Variants in WDPCP observed in about 807,000 individuals in gnomAD.
WDPCP encodes the protein WD repeat-containing and planar cell polarity effector protein fritz homolog.
A neutral mutation model predicts 93.1 loss-of-function variants in WDPCP; 71 were observed. That is an observed-to-expected ratio of 0.76 (90% confidence interval 0.63 to 0.93). The LOEUF (loss-of-function observed/expected upper bound fraction) is 0.93. Ranked by LOEUF, WDPCP falls within the 40% of genes least tolerant of loss-of-function variation. WDPCP has a pLI of 0.00. For synonymous variants in WDPCP, 315 were observed against 315.0 expected, an observed-to-expected ratio of 1.00 and a Z score of 0.00; for missense variants, 844 against 887.4, an observed-to-expected ratio of 0.95 and a Z score of 0.62.
intron 13 of WDPCP, among the ~76,000 whole-genome samples, chr2:63,289,148 G>C (rs989259310): frequency 6.6e-6 from 1 of 151,946 alleles, no homozygotes. Flanking sequence ...AAAATATTTT[G>C]AGGCTATGTA....
chr2:63,240,679 T>C (rs935400468), intron 14 of WDPCP, among the ~76,000 whole-genome samples: 3 of 152,226 alleles, frequency 2.0e-5, no homozygotes, highest in African/African-American at 7.2e-5. Context: ...AATTCTTTCA[T>C]TATTTTCTTA....
intron 3 of WDPCP, among the ~76,000 whole-genome samples, chr2:63,620,504 A>G (rs1709723503): frequency 6.6e-6 from 1 of 152,176 alleles, no homozygotes; most frequent in Admixed American, 6.5e-5. Context: ...CATCCCTGAA[A>G]GAAAGGCAGC....
intron 13 of WDPCP, among the ~76,000 whole-genome samples, chr2:63,272,133 G>A (rs1286942079): frequency 6.6e-6 from 1 of 152,128 alleles, no homozygotes; most frequent in African/African-American, 2.4e-5. Flanking sequence ...CACTATTGCT[G>A]CCTGAAGACC....
At chr2:63,607,045 C>T (rs1398271840) in intron 3 of WDPCP, 4 of 1,494,374 alleles carry the variant, frequency 2.7e-6, no homozygotes, top group East Asian at 4.6e-5. Flanking sequence ...TCGTCTTTGA[C>T]TCAAGTACCA....
At chr2:63,579,002 T>C (rs960395998) in intron 1 of WDPCP, among the ~76,000 whole-genome samples, 3 of 152,194 alleles carry the variant, frequency 2.0e-5, no homozygotes, top group African/African-American at 7.2e-5. Context: ...CTTATTATCA[T>C]GCATATCCTT....
intron 1 of WDPCP, among the ~76,000 whole-genome samples, chr2:63,507,751 G>C (rs1701973198): frequency 6.6e-6 from 1 of 151,978 alleles, no homozygotes; most frequent in East Asian, 1.9e-4. Context: ...TGACCTGATG[G>C]AGCTGAAAAA....
chr2:63,565,656 G>A (rs966484621), intron 1 of WDPCP, among the ~76,000 whole-genome samples: 1 of 152,048 alleles, frequency 6.6e-6, no homozygotes, highest in South Asian at 2.1e-4. Context: ...AAGCAAGCAG[G>A]AAATCACCAT....
At chr2:63,518,445 G>A (rs978341825) in intron 1 of WDPCP, 6 of 152,308 alleles carry the variant, frequency 3.9e-5, no homozygotes, top group Admixed American at 1.3e-4. Context: ...AGGAACCTCT[G>A]GAATTCTGGT....
chr2:63,794,455 G>A (rs1377164901), intron 2 of WDPCP, among the ~76,000 whole-genome samples: 1 of 152,180 alleles, frequency 6.6e-6, no homozygotes, highest in Non-Finnish European at 1.5e-5. Flanking sequence ...AGGCCAATGA[G>A]CCATGTCAAA....
intron 3 of WDPCP, among the ~76,000 whole-genome samples, chr2:63,613,784 TATTTCTACCCCAAACCCCAAGC>T (rs1709644235): frequency 6.6e-6 from 1 of 152,228 alleles, no homozygotes; most frequent in Admixed American, 6.5e-5. Context: ...AGCCTTCTCT[TATTTCTACCCCAAACCCCAAGC>T]ACAGGGAGAG....
At chr2:63,134,399 A>G (rs1670480210) in intron 17 of WDPCP, among the ~76,000 whole-genome samples, 1 of 152,248 alleles carries the variant, frequency 6.6e-6, no homozygotes, top group South Asian at 2.1e-4. Context: ...AAATAAAGGA[A>G]ATAAAAATTA....
intron 2 of WDPCP, among the ~76,000 whole-genome samples, chr2:63,672,169 G>C (rs201860503): frequency 6.6e-6 from 1 of 152,160 alleles, no homozygotes. Flanking sequence ...CCCCATCAAA[G>C]AGAGGAAGCC....
intron 13 of WDPCP, among the ~76,000 whole-genome samples, chr2:63,308,886 A>G (rs1032298875): frequency 6.6e-5 from 10 of 152,164 alleles, no homozygotes; most frequent in Admixed American, 5.9e-4. Context: ...AACCTAAAGT[A>G]TAATCAAAGA....
intron 2 of WDPCP, among the ~76,000 whole-genome samples, chr2:63,714,679 A>T (rs1347990499): frequency 6.6e-6 from 1 of 152,114 alleles, no homozygotes; most frequent in Non-Finnish European, 1.5e-5. Flanking sequence ...AATACAAAAA[A>T]TTAGCCGGGC....
At chr2:63,329,685 A>C (rs1466756050) in intron 12 of WDPCP, among the ~76,000 whole-genome samples, 1 of 152,196 alleles carries the variant, frequency 6.6e-6, no homozygotes, top group Non-Finnish European at 1.5e-5. Context: ...TGAAATATCC[A>C]AATTTTTCAG....
chr2:63,307,284 A>G lies in WDPCP; in HGVS notation c.1812+5964T>C, dbSNP rs533769678. The stretch of plus-strand genomic sequence containing the variant: ...TATTCCATGCTCATGGATAGGAAGA[A>G]TCAATATCATGAAAATGGCTATACT... On this transcript the variant is annotated intron_variant, in intron 13 of 17. Transcript: ENST00000272321. Among the ~76,000 whole-genome samples the G allele has an allele frequency of 7.9e-5, 12 of 152,380 alleles. No homozygotes were observed. In the South Asian group the frequency reaches 2.3e-3, roughly 29 times the overall value.
At chr2:63,683,215 G>C (rs1318669596) in intron 2 of WDPCP, among the ~76,000 whole-genome samples, 1 of 152,026 alleles carries the variant, frequency 6.6e-6, no homozygotes, top group African/African-American at 2.4e-5. Flanking sequence ...AAAACAAATA[G>C]CAAAATGTCA....
At chr2:63,772,810 T>C (rs945046092) in intron 2 of WDPCP, among the ~76,000 whole-genome samples, 3 of 152,008 alleles carry the variant, frequency 2.0e-5, no homozygotes, top group African/African-American at 4.8e-5. Context: ...TTCATTAAGC[T>C]GATAAAGAGT....
At chr2:63,722,247 C>A (rs1415632389) in intron 2 of WDPCP, among the ~76,000 whole-genome samples, 1 of 149,730 alleles carries the variant, frequency 6.7e-6, no homozygotes. Flanking sequence ...AAGTGAGGAG[C>A]GTCTCCGCCC....
Sources: gnomAD v4.1 joint callset for allele counts (sites outside exome capture counted in the v4.1 genomes callset) on GRCh38, gnomAD v4.1.1 for gene constraint, MANE v1.5 for transcripts, NCBI Gene and HGNC (gene_info 2026-07-23, HGNC 2026-07-21) for gene names.